PCF11: variants seen among roughly 807,000 people sequenced by gnomAD.
The protein encoded by PCF11 is PCF11 cleavage and polyadenylation factor subunit.
Under a neutral mutation model 166.1 loss-of-function variants are expected in PCF11, and 19 were observed. The observed-to-expected ratio is 0.11, with a 90% confidence interval of 0.08 to 0.17. The LOEUF (loss-of-function observed/expected upper bound fraction) is 0.17. Ranked by LOEUF, PCF11 falls within the 10% of genes least tolerant of loss-of-function variation. The pLI, the probability that PCF11 is intolerant of heterozygous loss-of-function variation, is 1.00. For synonymous variants in PCF11, 663 were observed against 644.1 expected (o/e 1.03, Z -0.44); for missense variants, 1,565 against 1,855.5 (o/e 0.84, Z 2.88).
intron 1 of PCF11, chr11:83,157,841 C>T (rs1860054831): frequency 1.7e-6 from 1 of 583,410 alleles, no homozygotes; most frequent in East Asian, 2.8e-5. Flanking sequence ...GGGTGGAGTC[C>T]CACTTCCGCT....
At chr11:83,168,811 G>C in exon 8 of PCF11, 1 of 1,613,748 alleles carries the variant, frequency 6.2e-7, no homozygotes, top group Non-Finnish European at 8.5e-7. Context: ...AGGTCCTCCA[G>C]GACCAGTGGG....
At chr11:83,177,326 CTT>C in intron 10 of PCF11, 122 bp downstream of exon 10, 1 of 752,494 alleles carries the variant, frequency 1.3e-6, no homozygotes, top group East Asian at 3.2e-5. Context: ...CTAGGTATAG[CTT>C]TTATTTTTGA....
Position 83,158,707 on chromosome 11 carries a change from C to T in PCF11, c.192+1076C>T, listed in dbSNP as rs922751975. The T allele has an allele frequency of 1.3e-4, 20 of 152,294 alleles. No individual in the cohort carries two copies. The East Asian group carries it at 3.3e-3, about 25-fold the overall frequency. 9.4% of individuals were successfully genotyped at this position (152,294 alleles called of 1,614,324 possible). A position where few individuals can be genotyped will look rare whatever the true frequency, so the allele number is the denominator to read the frequency against. On this transcript the variant is annotated intron_variant, in intron 1 of 15. Transcript: ENST00000298281. Reference sequence around the variant, plus strand: ...AGTGATTGCAATTATCAGGATGAGCCTCCTTTTAGCAGAGTGAACCCCTTT... The same window carrying T: ...AGTGATTGCAATTATCAGGATGAGCTTCCTTTTAGCAGAGTGAACCCCTTT...
chr11:83,169,407 G>A (rs1358669030), exon 8 of PCF11: 3 of 1,613,684 alleles, frequency 1.9e-6, no homozygotes, highest in South Asian at 2.2e-5. Context: ...AAGGGCCTCT[G>A]GGTCAAGGTG....
chr11:83,165,465 A>G (rs1860413800), intron 4 of PCF11, 135 bp from the exon 5 acceptor site: 1 of 603,762 alleles, frequency 1.7e-6, no homozygotes, highest in Non-Finnish European at 2.7e-6. Context: ...TTTATACATT[A>G]TAAGTGTACA....
At position 83,183,144 on chromosome 11, in the gene PCF11, G is replaced by C. The variant is rs1472492331; in HGVS notation, c.4452+71G>C. 1.2e-5 allele frequency: 9 copies of C among 782,450 alleles called. No individual in the cohort carries two copies. In the East Asian group the frequency reaches 2.6e-4, roughly 22 times the overall value. 48.5% of individuals were successfully genotyped at this position (782,450 alleles called of 1,614,324 possible). On this transcript the variant is annotated intron_variant, in intron 15 of 15. Transcript: ENST00000298281. ...AATTTTACTTTTCAGTTTTTTTTTT[G>C]CATCAGAGCAATATTGTTATTTTAA...
At chr11:83,184,442 A>G in intron 15 of PCF11, 1 of 435,934 alleles carries the variant, frequency 2.3e-6, no homozygotes, top group East Asian at 4.9e-5. Context: ...TGGCTGTATA[A>G]TGTCCTATAA....
chr11:83,181,684 T>G (rs1376207616), intron 12 of PCF11, among the ~76,000 whole-genome samples, 170 bp from the exon 13 acceptor site: 1 of 152,110 alleles, frequency 6.6e-6, no homozygotes, highest in East Asian at 1.9e-4. Flanking sequence ...ATCTTAATTA[T>G]TAGTTTCATG....
In PCF11 at chr11:83,169,773, A is replaced by G. The variant is rs1350056276; in HGVS notation, c.3438A>G (p.Pro1146=). The stretch of plus-strand genomic sequence containing the variant: ...CACCTGGCAATGCTTTTAATGCCCC[A>G]TCCCAAGGACTACAGTTCCAAAGAC... Residue 1146 remains proline, a synonymous_variant, in exon 8 of 16, where the codon CCA becomes CCG. Coordinates refer to ENST00000298281, the Ensembl canonical transcript of PCF11. The G allele has an allele frequency of 4.3e-6, 7 of 1,613,750 alleles. No individual in the cohort carries two copies. In the African/African-American group the frequency reaches 5.3e-5, roughly 12 times the overall value.
At chr11:83,184,694 T>G (rs751705373) in exon 16 of PCF11, 3 of 1,610,828 alleles carry the variant, frequency 1.9e-6, no homozygotes, top group Non-Finnish European at 2.5e-6. Flanking sequence ...TTCATTTGAT[T>G]GTACACCATC....
At chr11:83,161,206 C>T (rs1860239944) in intron 1 of PCF11, 121 bp from the exon 2 acceptor site, 1 of 716,236 alleles carries the variant, frequency 1.4e-6, no homozygotes, top group South Asian at 1.9e-5. Context: ...ATAAAGATTA[C>T]TTCAAAAATA....
chr11:83,178,513 C>G (rs563964576), intron 11 of PCF11, among the ~76,000 whole-genome samples: 6 of 151,582 alleles, frequency 4.0e-5, no homozygotes, highest in Non-Finnish European at 8.8e-5. Flanking sequence ...AAAAAAAAAT[C>G]GGCTGGGCGC....
chr11:83,160,069 TAGAC>T (rs958938224), intron 1 of PCF11, among the ~76,000 whole-genome samples: 17 of 152,104 alleles, frequency 1.1e-4, no homozygotes, highest in South Asian at 6.2e-4. Flanking sequence ...ACCCTTTTAT[TAGAC>T]AGTACCTTAA....
exon 5 of PCF11, chr11:83,166,217 C>T: frequency 1.2e-6 from 2 of 1,613,294 alleles, no homozygotes; most frequent in Non-Finnish European, 1.7e-6. Flanking sequence ...CATCCGAACA[C>T]AGACTGGCTG....
rs754121595 is a variant in PCF11, at chr11:83,182,509, A to G, written c.4416+18A>G. On this transcript the variant is annotated intron_variant, in intron 14 of 15. Transcript: ENST00000298281. ...ATGGAAAGGTAATTTTCATTTCTTT[A>G]TAAGGAAGTGTTAAGATTAGTGTTT... is the stretch of plus-strand genomic sequence containing the variant. 8 of 1,191,190 alleles carry G rather than the reference A, an allele frequency of 6.7e-6. No homozygotes were observed. Among genetic ancestry groups the G allele is most frequent in the Middle Eastern group, 1.9e-4 (1 of 5,234 alleles). The allele number at this position is 1,191,190 out of a possible 1,614,324, so 73.8% of individuals were successfully genotyped here. A position where few individuals can be genotyped will look rare whatever the true frequency, so the allele number is the denominator to read the frequency against.
chr11:83,157,719 G>A (rs1009425764), intron 1 of PCF11, 88 bp downstream of exon 1: 48 of 1,215,786 alleles, frequency 3.9e-5, no homozygotes, highest in Non-Finnish European at 1.9e-5. Context: ...TCCATCCCAA[G>A]GGGGACAGTG....
intron 14 of PCF11, 36 bp downstream of exon 14, chr11:83,182,527 T>C (rs1372189971): frequency 9.5e-7 from 1 of 1,050,946 alleles, no homozygotes; most frequent in Non-Finnish European, 1.5e-6. Flanking sequence ...GTGTTAAGAT[T>C]AGTGTTTTTT....
At chr11:83,165,914 T>C in exon 5 of PCF11, 4 of 1,608,346 alleles carry the variant, frequency 2.5e-6, no homozygotes, top group Non-Finnish European at 3.4e-6. Context: ...AAAAACTAAA[T>C]TCATCCAAGC....
exon 5 of PCF11, chr11:83,166,416 CAAA>C: frequency 6.2e-7 from 1 of 1,613,920 alleles, no homozygotes. Flanking sequence ...CAAACGAAGG[CAAA>C]GAAGTATGTC....
Sources: gnomAD v4.1 joint callset for allele counts (sites outside exome capture counted in the v4.1 genomes callset) on GRCh38, gnomAD v4.1.1 for gene constraint, MANE v1.5 for transcripts, NCBI Gene and HGNC (gene_info 2026-07-23, HGNC 2026-07-21) for gene names.